Variants in NCBP2 observed in about 807,000 individuals in gnomAD.
The protein encoded by NCBP2 is nuclear cap binding protein subunit 2, also known as nuclear cap-binding protein subunit 2.
In NCBP2, 8 loss-of-function variants were observed where a neutral mutation model predicts 21.5. That is an observed-to-expected ratio of 0.37 (90% CI 0.22 to 0.67). The LOEUF (loss-of-function observed/expected upper bound fraction) is 0.67. Ranked by LOEUF, NCBP2 falls within the 30% of genes least tolerant of loss-of-function variation. The pLI, the probability that NCBP2 is intolerant of heterozygous loss-of-function variation, is 0.56. For synonymous variants in NCBP2, 92 were observed against 75.8 expected (o/e 1.21, Z -1.11); for missense variants, 127 against 206.9 (o/e 0.61, Z 2.37).
chr3:196,942,077 G>A, intron 1 of NCBP2: 1 of 1,521,024 alleles, frequency 6.6e-7, no homozygotes. Flanking sequence ...GAGAGAGAAG[G>A]GCACCCCTCC....
intron 1 of NCBP2, chr3:196,941,815 A>C (rs772091136): frequency 6.5e-6 from 8 of 1,238,722 alleles, no homozygotes; most frequent in Non-Finnish European, 9.0e-6. Context: ...TCTGAAATCC[A>C]GCAATTCTCC....
rs1716241654 is a variant in NCBP2 at position 196,935,946 on chromosome 3, AAG to A, written c.*1063_*1064del. 1 of 152,186 alleles carries A rather than the reference AAG, an allele frequency of 6.6e-6. No individual in the cohort carries two copies. Among genetic ancestry groups the A allele is most frequent in the African/African-American group, 2.4e-5 (1 of 41,448 alleles). The allele number at this position is 152,186 out of a possible 1,614,324, so 9.4% of individuals were successfully genotyped here. ...GAGGAAAAAAATGAGAAATGGCTAA[AAG>A]AGGCATCTGCTGCAGGAACCTTCTG... On this transcript the variant is annotated 3_prime_UTR_variant, in exon 4 of 4. Coordinates refer to ENST00000321256, the MANE Select transcript of NCBP2 (RefSeq NM_007362.5).
intron 2 of NCBP2, chr3:196,937,930 C>G (rs765162756): frequency 2.6e-6 from 1 of 390,848 alleles, no homozygotes; most frequent in Admixed American, 3.7e-5. Flanking sequence ...GTTTAGATCA[C>G]TGTACACTTC....
Position 196,936,000 on chromosome 3 carries a change from C to G in NCBP2, c.*1011G>C, listed in dbSNP as rs1246520434. The G allele has an allele frequency of 6.6e-6, 1 of 152,196 alleles. No individual in the cohort carries two copies. The highest frequency in any genetic ancestry group is 2.4e-5 in the African/African-American group (1 of 41,450). The allele number at this position is 152,196 out of a possible 1,614,324, so 9.4% of individuals were successfully genotyped here. Reference sequence around the variant, plus strand: ...GACTGTCAAACATTCCCTCTTCAAGCTCCCTTTTAAAACCCAGTCCATTCC... The same window carrying G: ...GACTGTCAAACATTCCCTCTTCAAGGTCCCTTTTAAAACCCAGTCCATTCC... On this transcript the variant is annotated 3_prime_UTR_variant, in exon 4 of 4. Transcript: ENST00000321256.
At chr3:196,937,879 G>C (rs1345755535) in intron 2 of NCBP2, 1 of 531,190 alleles carries the variant, frequency 1.9e-6, no homozygotes, top group Non-Finnish European at 3.4e-6. Context: ...CATTCCTGTT[G>C]ATAATTTTTG....
At chr3:196,940,130 T>G (rs557244994) in intron 1 of NCBP2, 1 of 152,404 alleles carries the variant, frequency 6.6e-6, no homozygotes, top group East Asian at 1.9e-4. Flanking sequence ...TTTGGGAGGC[T>G]GAGGCGAGTG....
intron 2 of NCBP2, 87 bp downstream of exon 2, chr3:196,939,164 G>A (rs749157066): frequency 4.5e-5 from 54 of 1,208,418 alleles, no homozygotes; most frequent in Middle Eastern, 3.9e-4. Context: ...GAAGGAAAAC[G>A]TAGGGACGAG....
At chr3:196,937,328 A>G (rs555990083) in intron 3 of NCBP2, 182 bp downstream of exon 3, 4 of 879,076 alleles carry the variant, frequency 4.6e-6, no homozygotes, top group South Asian at 3.5e-5. Context: ...CGTACAGAAC[A>G]TACCATTTCA....
chr3:196,938,419 A>G (rs1183940852), intron 2 of NCBP2: 2 of 152,178 alleles, frequency 1.3e-5, no homozygotes, highest in Non-Finnish European at 2.9e-5. Context: ...AAAAATTCAA[A>G]AGATATATTA....
chr3:196,936,612 A>G lies in NCBP2; in HGVS notation c.*399T>C, dbSNP rs1299034776. 5.8e-6 allele frequency: 1 copy of G among 173,644 alleles called. No individual in the cohort carries two copies. Among genetic ancestry groups the G allele is most frequent in the Non-Finnish European group, 1.2e-5 (1 of 82,590 alleles). 10.8% of individuals were successfully genotyped at this position (173,644 alleles called of 1,614,324 possible). A position where few individuals can be genotyped will look rare whatever the true frequency, so the allele number is the denominator to read the frequency against. Reference sequence around the variant, plus strand: ...TATTAGGCTATCTCATGCAAACTTAAAATTAAAAAAATAATCCCAGGCCCC... The same window carrying G: ...TATTAGGCTATCTCATGCAAACTTAGAATTAAAAAAATAATCCCAGGCCCC... On this transcript the variant is annotated 3_prime_UTR_variant, in exon 4 of 4. Transcript: ENST00000321256.
At position 196,936,767 on chromosome 3, in the gene NCBP2, G is replaced by T; in HGVS notation, c.*244C>A. The T allele has an allele frequency of 1.8e-6, 1 of 562,166 alleles. No homozygotes were observed. Among genetic ancestry groups the T allele is most frequent in the South Asian group, 2.1e-5 (1 of 47,458 alleles). The allele number at this position is 562,166 out of a possible 1,614,324, so 34.8% of individuals were successfully genotyped here. ...ATTACAGATCCAATCTGTTGTCAAA[G>T]AACACAATTTCTGACCTGGTAACAA... is the stretch of plus-strand genomic sequence containing the variant. On this transcript the variant is annotated 3_prime_UTR_variant, in exon 4 of 4. Transcript: ENST00000321256.
intron 1 of NCBP2, among the ~76,000 whole-genome samples, chr3:196,940,389 C>T (rs1300264312): frequency 6.6e-6 from 1 of 150,782 alleles, no homozygotes; most frequent in Non-Finnish European, 1.5e-5. Flanking sequence ...AAAAAGTCCA[C>T]AGGACAATAG....
chr3:196,939,805 G>A (rs759823951), intron 1 of NCBP2: 11 of 169,670 alleles, frequency 6.5e-5, no homozygotes, highest in South Asian at 5.3e-4. Context: ...TTTATCCTTC[G>A]TAGTGAAAAA....
Position 196,936,946 on chromosome 3 carries a change from G to A in NCBP2, c.*65C>T, listed in dbSNP as rs980145174. 7.6e-6 allele frequency: 11 copies of A among 1,456,056 alleles called. No individual in the cohort carries two copies. Among genetic ancestry groups the A allele is most frequent in the Non-Finnish European group, 9.7e-6 (10 of 1,035,994 alleles). The allele number at this position is 1,456,056 out of a possible 1,614,324, so 90.2% of individuals were successfully genotyped here. ...AAAATGGGCTCGTGTGCAGACTTTA[G>A]GTGATGTTCTTCAGCAAATTCAACA... On this transcript the variant is annotated 3_prime_UTR_variant, in exon 4 of 4. Transcript: ENST00000321256.
intron 1 of NCBP2, 103 bp downstream of exon 1, chr3:196,942,323 G>A (rs760003639): frequency 6.5e-7 from 1 of 1,537,458 alleles, no homozygotes; most frequent in South Asian, 1.2e-5. Context: ...CTTGGCGTTT[G>A]CGGATTTCAG....
intron 2 of NCBP2, chr3:196,938,770 A>C (rs1577862863): frequency 6.6e-6 from 1 of 152,528 alleles, no homozygotes; most frequent in African/African-American, 2.4e-5. Flanking sequence ...CACTACAAAC[A>C]CCAGCCACCA....
intron 2 of NCBP2, chr3:196,938,362 C>T (rs1380760820): frequency 6.6e-6 from 1 of 152,094 alleles, no homozygotes; most frequent in Non-Finnish European, 1.5e-5. Context: ...TCACCAGACA[C>T]TTAAGGAAAA....
chr3:196,942,170 TG>T, intron 1 of NCBP2: 1 of 1,457,528 alleles, frequency 6.9e-7, no homozygotes, highest in Non-Finnish European at 9.0e-7. Flanking sequence ...CTCTCGGCAC[TG>T]GCTGGGGTAC....
At chr3:196,941,564 A>G (rs1444166136) in intron 1 of NCBP2, 1 of 333,768 alleles carries the variant, frequency 3.0e-6, no homozygotes. Flanking sequence ...ACAGGGGATT[A>G]TGAGCTCGCA....
Sources: gnomAD v4.1 joint callset for allele counts (sites outside exome capture counted in the v4.1 genomes callset) on GRCh38, gnomAD v4.1.1 for gene constraint, MANE v1.5 for transcripts, NCBI Gene and HGNC (gene_info 2026-07-23, HGNC 2026-07-21) for gene names.